The following LRRTM3 variants were observed in gnomAD, a reference collection of about 807,000 sequenced individuals.
LRRTM3 encodes the protein leucine rich repeat transmembrane neuronal 3.
Under a neutral mutation model 44.7 loss-of-function variants are expected in LRRTM3, and 24 were observed. That is an observed-to-expected ratio of 0.54 (90% confidence interval 0.39 to 0.76). The LOEUF is 0.76. Ranked by LOEUF, LRRTM3 falls within the 30% of genes least tolerant of loss-of-function variation. The probability of loss-of-function intolerance (pLI) is 0.00; values close to 1 mark genes in which losing one functional copy is unlikely to be tolerated. For missense variants in LRRTM3, 587 were observed against 702.2 expected (o/e 0.84, Z 1.85); for synonymous variants, 277 against 278.7 (o/e 0.99, Z 0.06).
chr10:66,958,256 C>T (rs1193213069), intron 2 of LRRTM3, among the ~76,000 whole-genome samples: 1 of 140,828 alleles, frequency 7.1e-6, no homozygotes, highest in Non-Finnish European at 1.5e-5. Flanking sequence ...AGCAACTTAG[C>T]ATTTATTGGT....
At chr10:66,996,808 T>G (rs1851379127) in intron 2 of LRRTM3, among the ~76,000 whole-genome samples, 1 of 152,098 alleles carries the variant, frequency 6.6e-6, no homozygotes, top group South Asian at 2.1e-4. Context: ...TTTGAAATTT[T>G]GCTCTACAAT....
intron 2 of LRRTM3, among the ~76,000 whole-genome samples, chr10:66,975,021 G>C (rs1292045540): frequency 6.6e-6 from 1 of 152,132 alleles, no homozygotes; most frequent in Non-Finnish European, 1.5e-5. Flanking sequence ...GGTAGCTCTT[G>C]ATGAAGAGGA....
At chr10:67,035,556 G>C (rs1157919891) in intron 2 of LRRTM3, among the ~76,000 whole-genome samples, 1 of 152,044 alleles carries the variant, frequency 6.6e-6, no homozygotes, top group African/African-American at 2.4e-5. Flanking sequence ...CTAACTCGGA[G>C]AACTTTTTGA....
At chr10:67,053,958 T>C (rs534726232) in intron 2 of LRRTM3, among the ~76,000 whole-genome samples, 1 of 152,196 alleles carries the variant, frequency 6.6e-6, no homozygotes, top group African/African-American at 2.4e-5. Flanking sequence ...AATGACCTTA[T>C]GTCATCCATA....
intron 2 of LRRTM3, among the ~76,000 whole-genome samples, chr10:67,057,151 A>G (rs1183975864): frequency 1.3e-5 from 2 of 152,154 alleles, no homozygotes; most frequent in Admixed American, 6.6e-5. Flanking sequence ...TTTTATTGAG[A>G]TATAATTGAC....
intron 2 of LRRTM3, among the ~76,000 whole-genome samples, chr10:67,070,538 G>A (rs563140625): frequency 8.2e-4 from 125 of 152,120 alleles, no homozygotes; most frequent in African/African-American, 2.8e-3. Context: ...AACAAGGTCC[G>A]GAGATCGAGA....
chr10:67,010,301 A>C (rs943322608), intron 2 of LRRTM3, among the ~76,000 whole-genome samples: 3 of 152,220 alleles, frequency 2.0e-5, no homozygotes, highest in Admixed American at 2.0e-4. Context: ...ATTAGTTAGA[A>C]TAATCTTTGG....
chr10:67,065,949 A>T lies in LRRTM3; in HGVS notation c.1537-31638A>T, dbSNP rs1358849673. On this transcript the variant is annotated intron_variant, in intron 2 of 2. Transcript: ENST00000361320. ...ATCAGGCTGCCATTCAAAAAAAAAA[A>T]ATATGCCACCAAGTATACAGATGTC... Among the ~76,000 whole-genome samples the T allele has an allele frequency of 2.6e-5, 4 of 152,118 alleles. No individual in the cohort carries two copies. The East Asian group carries it at 5.8e-4, about 22-fold the overall frequency.
At chr10:66,993,978 C>G (rs1268004997) in intron 2 of LRRTM3, among the ~76,000 whole-genome samples, 2 of 152,060 alleles carry the variant, frequency 1.3e-5, no homozygotes, top group Non-Finnish European at 2.9e-5. Flanking sequence ...AGTACACTGC[C>G]AGATATAGCA....
chr10:67,009,257 C>A (rs1176811700), intron 2 of LRRTM3, among the ~76,000 whole-genome samples: 3 of 150,222 alleles, frequency 2.0e-5, no homozygotes, highest in Non-Finnish European at 4.4e-5. Context: ...CCTTTTTTTT[C>A]TTTTCCACAT....
At chr10:67,042,744 A>G (rs1854481577) in intron 2 of LRRTM3, among the ~76,000 whole-genome samples, 1 of 152,096 alleles carries the variant, frequency 6.6e-6, no homozygotes, top group African/African-American at 2.4e-5. Context: ...AAGAAGGAAG[A>G]GTAGGACTGA....
chr10:66,945,167 C>T (rs975512562), intron 2 of LRRTM3, among the ~76,000 whole-genome samples: 10 of 152,142 alleles, frequency 6.6e-5, no homozygotes, highest in Non-Finnish European at 4.4e-5. Context: ...TATGGGGGTC[C>T]TAGATGGCAT....
At chr10:67,064,315 T>A (rs527240874) in intron 2 of LRRTM3, among the ~76,000 whole-genome samples, 78 of 152,296 alleles carry the variant, frequency 5.1e-4, no homozygotes, top group African/African-American at 1.8e-3. Context: ...TTAGGTTTAA[T>A]TTCATTTTCT....
intron 2 of LRRTM3, among the ~76,000 whole-genome samples, chr10:67,009,715 C>A (rs1390171561): frequency 2.0e-5 from 3 of 152,054 alleles, no homozygotes; most frequent in Non-Finnish European, 4.4e-5. Flanking sequence ...AGAGAAAAAA[C>A]AGGAGCAGTT....
chr10:67,019,210 A>T (rs952530798), intron 2 of LRRTM3, among the ~76,000 whole-genome samples: 4 of 152,002 alleles, frequency 2.6e-5, no homozygotes, highest in Admixed American at 6.5e-5. Flanking sequence ...TTCTTTTTTT[A>T]ATTTTATTTT....
rs144227382 is a variant in LRRTM3, at chr10:67,069,483, A to T, written c.1537-28104A>T. Among the ~76,000 whole-genome samples the T allele has an allele frequency of 9.6e-4, 146 of 152,258 alleles. 3 individuals are homozygous for T. The highest frequency in any genetic ancestry group is 3.4e-3 in the African/African-American group (142 of 41,552). ...ATGTATACATATCATGATGGTGAATATTCATAAACTGAATACATCTATGTA... is the reference window on the plus strand; with the variant it reads ...ATGTATACATATCATGATGGTGAATTTTCATAAACTGAATACATCTATGTA... On this transcript the variant is annotated intron_variant, in intron 2 of 2. Transcript: ENST00000361320.
intron 2 of LRRTM3, among the ~76,000 whole-genome samples, chr10:66,975,551 G>C (rs568945466): frequency 1.3e-5 from 2 of 152,076 alleles, no homozygotes; most frequent in African/African-American, 4.8e-5. Flanking sequence ...ATTGGGAAGC[G>C]GTCTGTCTTT....
intron 2 of LRRTM3, among the ~76,000 whole-genome samples, chr10:67,090,753 G>A (rs1396889658): frequency 6.6e-6 from 1 of 152,010 alleles, no homozygotes; most frequent in Non-Finnish European, 1.5e-5. Context: ...TCAACTGACA[G>A]ACGCAACAAA....
rs571705567 is a variant in LRRTM3 at position 66,941,137 on chromosome 10, A to G, written c.1536+12685A>G. Reference sequence around the variant, plus strand: ...ACAAGGCAGACAGCTACACCACAGTAGAGAGACAATATTTCCTCAGCTGAG... The same window carrying G: ...ACAAGGCAGACAGCTACACCACAGTGGAGAGACAATATTTCCTCAGCTGAG... On this transcript the variant is annotated intron_variant, in intron 2 of 2. Transcript: ENST00000361320. Among the ~76,000 whole-genome samples the G allele has an allele frequency of 4.3e-4, 65 of 152,340 alleles. 1 individual carries two copies. The highest frequency in any genetic ancestry group is 1.4e-3 in the African/African-American group (59 of 41,596).
Sources: allele counts gnomAD v4.1 joint callset (sites outside exome capture counted in the v4.1 genomes callset), GRCh38; gene constraint gnomAD v4.1.1; transcripts MANE v1.5; gene names NCBI Gene and HGNC (gene_info 2026-07-23, HGNC 2026-07-21).